CDH4: variants seen among roughly 807,000 people sequenced by gnomAD.
CDH4 encodes the protein cadherin-4.
In CDH4, 33 loss-of-function variants were observed where a neutral mutation model predicts 86.0. The ratio of observed to expected loss-of-function variants is 0.38; its 90% CI spans 0.29 to 0.51. CDH4 has a LOEUF of 0.51. Among genes scored for constraint, CDH4 ranks in the 20% least tolerant of loss-of-function variants. The pLI is 0.86. For synonymous variants in CDH4, 555 were observed against 549.4 expected (o/e 1.01, Z -0.14); for missense variants, 1,114 against 1,307.4 (o/e 0.85, Z 2.28).
In CDH4 at chr20:61,467,580, C is replaced by T. The variant is rs563249605; in HGVS notation, c.169+212643C>T. Among the ~76,000 whole-genome samples the T allele has an allele frequency of 3.9e-5, 6 of 152,332 alleles. 1 individual carries two copies. The East Asian group carries it at 1.2e-3, about 29-fold the overall frequency. On this transcript the variant is annotated intron_variant, in intron 2 of 15. Transcript: ENST00000614565. Reference sequence around the variant, plus strand: ...TGAGAAATAATATGTCCCCTTCCATCCCTGCCTCCACTATTTATGCTACCA... The same window carrying T: ...TGAGAAATAATATGTCCCCTTCCATTCCTGCCTCCACTATTTATGCTACCA...
intron 2 of CDH4, among the ~76,000 whole-genome samples, chr20:61,724,867 T>C (rs944671886): frequency 3.3e-5 from 5 of 152,152 alleles, no homozygotes; most frequent in African/African-American, 1.2e-4. Context: ...TCCCAACACC[T>C]TGGGAAGCTG....
At chr20:61,365,134 A>T (rs983005991) in intron 2 of CDH4, among the ~76,000 whole-genome samples, 1 of 152,148 alleles carries the variant, frequency 6.6e-6, no homozygotes, top group Non-Finnish European at 1.5e-5. Context: ...TCAGTGCCCA[A>T]CTCTACTGTG....
chr20:61,748,382 C>T (rs66935357), intron 3 of CDH4, among the ~76,000 whole-genome samples: 15,617 of 152,144 alleles, frequency 0.1, 867 homozygotes, highest in South Asian at 0.22. Flanking sequence ...CTGCCTGCCT[C>T]GGCCTCCCAA....
chr20:61,546,275 G>A (rs2145664888), intron 2 of CDH4, among the ~76,000 whole-genome samples: 1 of 151,960 alleles, frequency 6.6e-6, no homozygotes, highest in South Asian at 2.1e-4. Flanking sequence ...TCACATGTGT[G>A]TGGTGTGTGC....
intron 2 of CDH4, among the ~76,000 whole-genome samples, chr20:61,500,137 G>T (rs1005494336): frequency 6.6e-6 from 1 of 152,212 alleles, no homozygotes; most frequent in Non-Finnish European, 1.5e-5. Flanking sequence ...GGAGCAGGGC[G>T]TCCCCTGGCC....
chr20:61,897,623 G>A (rs921047043), intron 8 of CDH4, among the ~76,000 whole-genome samples: 21 of 152,168 alleles, frequency 1.4e-4, no homozygotes, highest in Admixed American at 1.3e-3. Context: ...ACTGCTGACC[G>A]GCCACACCAC....
intron 3 of CDH4, among the ~76,000 whole-genome samples, chr20:61,765,589 G>A (rs1002048577): frequency 2.6e-5 from 4 of 152,228 alleles, no homozygotes; most frequent in African/African-American, 9.6e-5. Context: ...GGAGGAGGAG[G>A]AGGACGGTGT....
At chr20:61,883,034 A>G (rs1471855065) in intron 7 of CDH4, among the ~76,000 whole-genome samples, 1 of 151,548 alleles carries the variant, frequency 6.6e-6, no homozygotes, top group African/African-American at 2.4e-5. Context: ...GTCTTTTCAA[A>G]CCCCACCACG....
chr20:61,349,430 T>C (rs1471373477), intron 2 of CDH4, among the ~76,000 whole-genome samples: 3 of 152,202 alleles, frequency 2.0e-5, no homozygotes, highest in Non-Finnish European at 4.4e-5. Context: ...AATTGAATCA[T>C]AGGGAGAAAA....
intron 4 of CDH4, among the ~76,000 whole-genome samples, chr20:61,830,365 G>A (rs973627649): frequency 3.6e-4 from 54 of 151,986 alleles, no homozygotes; most frequent in African/African-American, 2.4e-5. Context: ...GTGCTTCCCC[G>A]GGACCCTCCC....
At chr20:61,637,486 T>C (rs2086959493) in intron 2 of CDH4, among the ~76,000 whole-genome samples, 1 of 152,214 alleles carries the variant, frequency 6.6e-6, no homozygotes, top group Non-Finnish European at 1.5e-5. Flanking sequence ...AAGCTGCAGC[T>C]CTTTCTCACC....
At chr20:61,441,538 ACT>A (rs1207721346) in intron 2 of CDH4, among the ~76,000 whole-genome samples, 2 of 151,980 alleles carry the variant, frequency 1.3e-5, no homozygotes, top group Non-Finnish European at 2.9e-5. Context: ...CTGAAACCTA[ACT>A]CCAAGGCGAT....
At chr20:61,318,281 G>A (rs565279847) in intron 2 of CDH4, among the ~76,000 whole-genome samples, 57 of 152,218 alleles carry the variant, frequency 3.7e-4, no homozygotes, top group Non-Finnish European at 6.6e-4. Context: ...CAACAGCCCC[G>A]GCTTTGCAGA....
chr20:61,301,120 C>T (rs1237268612), intron 2 of CDH4, among the ~76,000 whole-genome samples: 1 of 152,274 alleles, frequency 6.6e-6, no homozygotes, highest in Non-Finnish European at 1.5e-5. Context: ...TGCCAAAGCC[C>T]ATGGCCCTCA....
At chr20:61,596,927 C>T (rs1269949407) in intron 2 of CDH4, among the ~76,000 whole-genome samples, 1 of 152,152 alleles carries the variant, frequency 6.6e-6, no homozygotes, top group Non-Finnish European at 1.5e-5. Context: ...CATTGACTCA[C>T]AGAAGCAAAT....
chr20:61,260,988 G>A (rs556876167), intron 2 of CDH4, among the ~76,000 whole-genome samples: 29 of 152,346 alleles, frequency 1.9e-4, no homozygotes, highest in South Asian at 1.0e-3. Flanking sequence ...GGTCCTGGTA[G>A]CCCTGGTTAG....
intron 2 of CDH4, among the ~76,000 whole-genome samples, chr20:61,716,200 G>T (rs1248226730): frequency 5.9e-5 from 9 of 152,130 alleles, no homozygotes; most frequent in African/African-American, 2.2e-4. Context: ...GCTATAAAGG[G>T]GCAGATGCTC....
chr20:61,422,244 G>A (rs1253426511), intron 2 of CDH4, among the ~76,000 whole-genome samples: 1 of 151,742 alleles, frequency 6.6e-6, no homozygotes, highest in Non-Finnish European at 1.5e-5. Context: ...GACTAACATG[G>A]AGAAACCTAA....
intron 3 of CDH4, among the ~76,000 whole-genome samples, chr20:61,756,576 C>T (rs563382494): frequency 6.6e-6 from 1 of 151,438 alleles, no homozygotes; most frequent in Admixed American, 6.6e-5. Flanking sequence ...GGTCCCTCCC[C>T]CATCCCCTGG....
Sources: allele counts gnomAD v4.1 joint callset (sites outside exome capture counted in the v4.1 genomes callset), GRCh38; gene constraint gnomAD v4.1.1; transcripts MANE v1.5; gene names NCBI Gene and HGNC (gene_info 2026-07-23, HGNC 2026-07-21).